TMEM117: variants seen among roughly 807,000 people sequenced by gnomAD.
TMEM117 encodes transmembrane protein 117.
TMEM117 carries 27 observed loss-of-function variants against 52.4 expected under a neutral mutation model. The ratio of observed to expected loss-of-function variants is 0.51; its 90% CI spans 0.38 to 0.71. The LOEUF (loss-of-function observed/expected upper bound fraction) is 0.71. TMEM117 is among the 30% of genes least tolerant of loss of function. The pLI is 0.00. For synonymous variants in TMEM117, 215 were observed against 206.3 expected (o/e 1.04, Z -0.36); for missense variants, 556 against 630.5 (o/e 0.88, Z 1.26).
chr12:44,014,155 A>C (rs1698290654), intron 3 of TMEM117, among the ~76,000 whole-genome samples: 1 of 152,064 alleles, frequency 6.6e-6, no homozygotes, highest in South Asian at 2.1e-4. Context: ...AAAGCAATAG[A>C]GCTGAACTGG....
At chr12:43,846,034 T>TTATTA (rs1943202045) in intron 2 of TMEM117, among the ~76,000 whole-genome samples, 1 of 152,208 alleles carries the variant, frequency 6.6e-6, no homozygotes, top group Non-Finnish European at 1.5e-5. Context: ...CAGCACATTT[T>TTATTA]CATTAAATAT....
intron 3 of TMEM117, among the ~76,000 whole-genome samples, chr12:43,963,834 A>G (rs1383096457): frequency 2.6e-5 from 4 of 152,202 alleles, no homozygotes; most frequent in Non-Finnish European, 5.9e-5. Flanking sequence ...GGAGAATTTA[A>G]TGAACTCCAT....
chr12:44,099,032 T>C (rs1947819906), intron 3 of TMEM117, among the ~76,000 whole-genome samples: 1 of 152,068 alleles, frequency 6.6e-6, no homozygotes, highest in African/African-American at 2.4e-5. Context: ...TTAATTTGCT[T>C]TTGACATCTG....
chr12:44,314,792 C>G (rs1649368160), intron 6 of TMEM117, among the ~76,000 whole-genome samples: 2 of 152,034 alleles, frequency 1.3e-5, no homozygotes, highest in Non-Finnish European at 2.9e-5. Context: ...TAGGCAGGAG[C>G]CCATCCTCCT....
At chr12:43,826,146 T>C in the TMEM117 span, among the ~76,000 whole-genome samples, 2 of 152,230 alleles carry the variant, frequency 1.3e-5, no homozygotes, top group East Asian at 1.9e-4. Flanking sequence ...TCAGGGTGCA[T>C]GCAGTATGTG....
intron 5 of TMEM117, among the ~76,000 whole-genome samples, chr12:44,256,121 A>G (rs1431631423): frequency 6.6e-6 from 1 of 151,960 alleles, no homozygotes; most frequent in Non-Finnish European, 1.5e-5. Flanking sequence ...ATTAAAAATA[A>G]ACATAAACAC....
At chr12:43,939,961 G>A (rs900181207) in intron 2 of TMEM117, among the ~76,000 whole-genome samples, 7 of 152,108 alleles carry the variant, frequency 4.6e-5, no homozygotes, top group South Asian at 2.1e-4. Flanking sequence ...TAATAAAACC[G>A]TCAGCTCTCA....
At chr12:43,799,619 T>A in the TMEM117 span, 1 of 538,436 alleles carries the variant, frequency 1.9e-6, no homozygotes, top group African/African-American at 1.9e-5. Flanking sequence ...ATAAATAGCA[T>A]TATGAATTTT....
At chr12:44,013,019 T>C (rs1202570404) in intron 3 of TMEM117, among the ~76,000 whole-genome samples, 1 of 149,788 alleles carries the variant, frequency 6.7e-6, no homozygotes, top group Non-Finnish European at 1.5e-5. Context: ...TTTTTCTCTT[T>C]CTTTCTTGCT....
chr12:44,262,478 A>G (rs1307170740), intron 5 of TMEM117, among the ~76,000 whole-genome samples: 5 of 152,236 alleles, frequency 3.3e-5, no homozygotes, highest in African/African-American at 7.2e-5. Flanking sequence ...TTTGATGGAA[A>G]TGAAAGAGGT....
intron 4 of TMEM117, among the ~76,000 whole-genome samples, chr12:44,165,072 T>C (rs1251843601): frequency 6.6e-6 from 1 of 152,106 alleles, no homozygotes; most frequent in Non-Finnish European, 1.5e-5. Flanking sequence ...ACTACCCCCC[T>C]GCCACCGCCT....
At chr12:43,836,567 AT>A (rs1246100694) in intron 1 of TMEM117, among the ~76,000 whole-genome samples, 2 of 152,140 alleles carry the variant, frequency 1.3e-5, no homozygotes, top group African/African-American at 4.8e-5. Flanking sequence ...TGCTTCAGCG[AT>A]TCCTAGCCTA....
intron 3 of TMEM117, among the ~76,000 whole-genome samples, chr12:43,971,618 C>T (rs1320748937): frequency 6.6e-6 from 1 of 152,164 alleles, no homozygotes; most frequent in Non-Finnish European, 1.5e-5. Context: ...GAAAACTTTC[C>T]TAACGCCTTA....
intron 5 of TMEM117, among the ~76,000 whole-genome samples, chr12:44,226,889 G>A (rs1592622660): frequency 6.6e-6 from 1 of 152,196 alleles, no homozygotes; most frequent in East Asian, 1.9e-4. Context: ...CTAGTCTGTG[G>A]TACTTTGTTA....
intron 3 of TMEM117, among the ~76,000 whole-genome samples, chr12:44,006,130 A>G (rs1946191374): frequency 6.6e-6 from 1 of 152,186 alleles, no homozygotes; most frequent in African/African-American, 2.4e-5. Context: ...ACCAGTTTGA[A>G]AGCCTCCATC....
chr12:44,212,354 T>G (rs543071126), intron 5 of TMEM117, among the ~76,000 whole-genome samples: 28 of 152,272 alleles, frequency 1.8e-4, no homozygotes, highest in Middle Eastern at 3.4e-3. Flanking sequence ...TGTTAAGGTA[T>G]TGCAGTGCTG....
At chr12:44,353,727 G>A (rs1387059199) in intron 6 of TMEM117, among the ~76,000 whole-genome samples, 3 of 152,116 alleles carry the variant, frequency 2.0e-5, no homozygotes, top group Non-Finnish European at 4.4e-5. Flanking sequence ...AAGTCAGGTA[G>A]CGTGATGCCT....
At chr12:44,090,642 G>T (rs934582348) in intron 3 of TMEM117, among the ~76,000 whole-genome samples, 12 of 151,388 alleles carry the variant, frequency 7.9e-5, no homozygotes, top group Non-Finnish European at 1.3e-4. Flanking sequence ...TCACCATGTT[G>T]CTCAGGCTGG....
At chr12:43,978,903 G>A (rs530053878) in intron 3 of TMEM117, among the ~76,000 whole-genome samples, 4 of 151,504 alleles carry the variant, frequency 2.6e-5, no homozygotes, top group Admixed American at 6.6e-5. Flanking sequence ...TATTAATCTT[G>A]TTGGGGAATG....
Sources: allele counts gnomAD v4.1 joint callset (sites outside exome capture counted in the v4.1 genomes callset), GRCh38; gene constraint gnomAD v4.1.1; transcripts MANE v1.5; gene names NCBI Gene and HGNC (gene_info 2026-07-23, HGNC 2026-07-21).